Variants in EFNB2 observed in about 807,000 individuals in gnomAD.
EFNB2 encodes ephrin-B2.
In EFNB2, 5 loss-of-function variants were observed where a neutral mutation model predicts 32.1. That is an observed-to-expected ratio of 0.16 (90% CI 0.08 to 0.33). The LOEUF is 0.33. EFNB2 is among the 10% of genes least tolerant of loss of function. The pLI, the probability that EFNB2 is intolerant of heterozygous loss-of-function variation, is 1.00. For synonymous variants in EFNB2, 168 were observed against 166.5 expected (o/e 1.01, Z -0.07); for missense variants, 263 against 422.6 (o/e 0.62, Z 3.31).
chr13:106,503,054 A>T (rs1290027875), intron 2 of EFNB2, among the ~76,000 whole-genome samples: 1 of 152,178 alleles, frequency 6.6e-6, no homozygotes, highest in Non-Finnish European at 1.5e-5. Flanking sequence ...TTTGCTAGAG[A>T]CATGTTTAAC....
At chr13:106,513,012 CAGAA>C (rs934517401) in intron 1 of EFNB2, among the ~76,000 whole-genome samples, 200 bp from the exon 2 acceptor site, 13 of 152,148 alleles carry the variant, frequency 8.5e-5, no homozygotes, top group African/African-American at 7.2e-5. Context: ...AAAGGAAAGA[CAGAA>C]AGAAACCACT....
At chr13:106,498,325 T>A (rs912070162) in intron 2 of EFNB2, among the ~76,000 whole-genome samples, 3 of 152,212 alleles carry the variant, frequency 2.0e-5, no homozygotes, top group African/African-American at 7.2e-5. Flanking sequence ...CAGTTACTTG[T>A]AAATAGAATT....
intron 1 of EFNB2, among the ~76,000 whole-genome samples, chr13:106,533,399 C>T (rs1305072617): frequency 6.6e-6 from 1 of 152,220 alleles, no homozygotes; most frequent in Non-Finnish European, 1.5e-5. Flanking sequence ...AGTACTTCAT[C>T]AGCAAATACA....
intron 2 of EFNB2, chr13:106,506,178 G>A (rs947389033): frequency 6.6e-6 from 1 of 152,124 alleles, no homozygotes; most frequent in Non-Finnish European, 1.5e-5. Context: ...ACAACGCTTC[G>A]AATTATCAGA....
intron 1 of EFNB2, among the ~76,000 whole-genome samples, chr13:106,532,056 TA>T (rs992403515): frequency 1.4e-4 from 13 of 92,592 alleles, no homozygotes; most frequent in Admixed American, 1.1e-3. Context: ...TCTGCTGAAT[TA>T]AAAAAAAAAC....
Position 106,492,919 on chromosome 13 carries a change from T to C in EFNB2, c.*121A>G. The stretch of plus-strand genomic sequence containing the variant: ...CGACGGGCTCTTCCGAGGAGGAGTG[T>C]CCCTCTCCCCCGGTGCTGTGCTTCA... On this transcript the variant is annotated 3_prime_UTR_variant, in exon 5 of 5. Transcript: ENST00000646441. This position sits in a 1 kb window ranked among gnomAD's most constrained non-coding sequence, Gnocchi z 5.1. 7.6e-7 allele frequency: 1 copy of C among 1,321,404 alleles called. No individual in the cohort carries two copies. The highest frequency in any genetic ancestry group is 1.4e-5 in the South Asian group (1 of 71,122). The allele number at this position is 1,321,404 out of a possible 1,614,324, so 81.9% of individuals were successfully genotyped here. A position where few individuals can be genotyped will look rare whatever the true frequency, so the allele number is the denominator to read the frequency against.
chr13:106,515,951 T>C (rs1566460150), intron 1 of EFNB2, among the ~76,000 whole-genome samples: 1 of 152,230 alleles, frequency 6.6e-6, no homozygotes, highest in African/African-American at 2.4e-5. Flanking sequence ...TAGGAATTTA[T>C]AGTCTAGCTC....
At chr13:106,505,685 G>T (rs938641711) in intron 2 of EFNB2, among the ~76,000 whole-genome samples, 1 of 152,134 alleles carries the variant, frequency 6.6e-6, no homozygotes, top group Non-Finnish European at 1.5e-5. Flanking sequence ...AATGTTTAAA[G>T]GTTATTAAGA....
At chr13:106,520,895 G>A (rs780477323) in intron 1 of EFNB2, 1 of 152,046 alleles carries the variant, frequency 6.6e-6, no homozygotes, top group African/African-American at 2.4e-5. Context: ...AGGTTTATAC[G>A]GAATTAGGTT....
At chr13:106,514,959 C>T (rs1402864107) in intron 1 of EFNB2, among the ~76,000 whole-genome samples, 1 of 152,208 alleles carries the variant, frequency 6.6e-6, no homozygotes, top group Non-Finnish European at 1.5e-5. Context: ...AACTCTCCCA[C>T]ATTACACCCT....
intron 2 of EFNB2, among the ~76,000 whole-genome samples, chr13:106,502,266 A>T (rs1174381405): frequency 1.3e-5 from 2 of 152,252 alleles, no homozygotes; most frequent in African/African-American, 4.8e-5. Flanking sequence ...GTAGATTCTA[A>T]AATTGAGTCA....
chr13:106,526,984 C>T (rs1304510449), intron 1 of EFNB2, among the ~76,000 whole-genome samples: 1 of 152,128 alleles, frequency 6.6e-6, no homozygotes, highest in Admixed American at 6.5e-5. Flanking sequence ...AGGAGCTGCA[C>T]CCACCCCACT....
chr13:106,527,883 G>A (rs571837316), intron 1 of EFNB2, among the ~76,000 whole-genome samples: 32 of 152,326 alleles, frequency 2.1e-4, no homozygotes, highest in Non-Finnish European at 4.0e-4. Context: ...CCCTGTTTCT[G>A]ATAGAAAGCT....
At chr13:106,523,932 C>A (rs1879617551) in intron 1 of EFNB2, among the ~76,000 whole-genome samples, 2 of 152,194 alleles carry the variant, frequency 1.3e-5, no homozygotes, top group Non-Finnish European at 2.9e-5. Context: ...CCAAATGGAT[C>A]TCCCCTCAAA....
At chr13:106,520,069 T>C (rs1023062628) in intron 1 of EFNB2, 5 of 152,206 alleles carry the variant, frequency 3.3e-5, no homozygotes, top group Middle Eastern at 3.2e-3. Context: ...TGCTTAATCA[T>C]TGAACTGTAC....
At chr13:106,534,608 T>A (rs1217418796) in intron 1 of EFNB2, among the ~76,000 whole-genome samples, 3 of 148,300 alleles carry the variant, frequency 2.0e-5, no homozygotes, top group African/African-American at 7.5e-5. Flanking sequence ...TTTTAGCGCC[T>A]GGGAGCGTTC....
Position 106,511,894 on chromosome 13 carries a change from C to T in EFNB2, c.406+635G>A, listed in dbSNP as rs564220688. Among the ~76,000 whole-genome samples the T allele has an allele frequency of 2.2e-3, 339 of 152,218 alleles. 1 individual carries two copies. The highest frequency in any genetic ancestry group is 6.8e-3 in the Middle Eastern group (2 of 294). On this transcript the variant is annotated intron_variant, in intron 2 of 4. Coordinates refer to ENST00000646441, the MANE Select transcript of EFNB2 (RefSeq NM_004093.4). ...CAGATATGACCCAAGGGATACGTAC[C>T]ATCTCTTCTTGAAACAGCGTGTCAA...
At position 106,496,375 on chromosome 13, in the gene EFNB2, G is replaced by C. The variant is rs74638581; in HGVS notation, c.407-535C>G. 7.4e-3 allele frequency among the ~76,000 whole-genome samples: 1,126 copies of C among 152,300 alleles called. 9 individuals are homozygous for C. Among genetic ancestry groups the C allele is most frequent in the African/African-American group, 0.026 (1,076 of 41,550 alleles). Reference sequence around the variant, plus strand: ...GTCTTCTTTTTTCAGCCTTATGCATGCTTAAGAAGTATACCAGAAATCAGG... The same window carrying C: ...GTCTTCTTTTTTCAGCCTTATGCATCCTTAAGAAGTATACCAGAAATCAGG... On this transcript the variant is annotated intron_variant, in intron 2 of 4. Transcript: ENST00000646441.
intron 2 of EFNB2, among the ~76,000 whole-genome samples, chr13:106,504,196 C>T (rs1182308690): frequency 2.6e-5 from 4 of 152,184 alleles, no homozygotes; most frequent in Non-Finnish European, 5.9e-5. Context: ...GTGCACATCC[C>T]ACAACCCTCT....
Sources: gnomAD v4.1 joint callset for allele counts (sites outside exome capture counted in the v4.1 genomes callset) on GRCh38, gnomAD v4.1.1 for gene constraint, Gnocchi (gnomAD v3.1) non-coding constraint, MANE v1.5 for transcripts, NCBI Gene and HGNC (gene_info 2026-07-23, HGNC 2026-07-21) for gene names.